Variants in LYPD6B observed in about 807,000 individuals in gnomAD.
LYPD6B encodes the protein LY6/PLAUR domain containing 6B.
Under a neutral mutation model 22.8 loss-of-function variants are expected in LYPD6B, and 17 were observed. That is an observed-to-expected ratio of 0.75 (90% CI 0.51 to 1.12). The LOEUF is 1.12. Among genes scored for constraint, LYPD6B ranks in the 50% most tolerant of loss-of-function variants. LYPD6B has a pLI of 0.00. For missense variants in LYPD6B, 221 were observed against 258.3 expected, an observed-to-expected ratio of 0.86 and a Z score of 0.99; for synonymous variants, 106 against 91.6, an observed-to-expected ratio of 1.16 and a Z score of -0.90.
In LYPD6B at chr2:149,046,753, C is replaced by A. The variant is rs369692761; in HGVS notation, c.-67+7952C>A. Among the ~76,000 whole-genome samples, 33 of 152,020 alleles carry A rather than the reference C, an allele frequency of 2.2e-4. No individual in the cohort carries two copies. In the East Asian group the frequency reaches 5.6e-3, roughly 26 times the overall value. On this transcript the variant is annotated intron_variant, in intron 1 of 6. Coordinates refer to ENST00000409642, the MANE Select transcript of LYPD6B (RefSeq NM_177964.5). ...ACTTTCAAGTAGTATTATACTGTTT[C>A]ATTTGTAGTCTTATAGCAGTATATT...
intron 2 of LYPD6B, among the ~76,000 whole-genome samples, chr2:149,156,123 T>C (rs229318): frequency 0.79 from 120,283 of 152,084 alleles, 47,831 homozygotes; most frequent in Non-Finnish European, 0.83. Flanking sequence ...CCAAAGATGC[T>C]GTTTGCAGTG....
intron 1 of LYPD6B, among the ~76,000 whole-genome samples, chr2:149,078,832 C>A (rs189896435): frequency 6.6e-5 from 10 of 152,048 alleles, no homozygotes; most frequent in Non-Finnish European, 1.3e-4. Context: ...CATAGCAAGA[C>A]CCCCATCTCT....
intron 2 of LYPD6B, among the ~76,000 whole-genome samples, chr2:149,146,677 G>A (rs573489174): frequency 2.0e-5 from 3 of 151,804 alleles, no homozygotes; most frequent in South Asian, 2.1e-4. Context: ...AGTCTTGGCC[G>A]AACTATGGCT....
chr2:149,044,366 A>G (rs1323320779), intron 1 of LYPD6B, among the ~76,000 whole-genome samples: 1 of 151,964 alleles, frequency 6.6e-6, no homozygotes, highest in Non-Finnish European at 1.5e-5. Flanking sequence ...ATACTTAGGT[A>G]TTTCATTTTG....
chr2:149,175,544 T>G (rs777455364), intron 3 of LYPD6B, among the ~76,000 whole-genome samples: 21 of 152,062 alleles, frequency 1.4e-4, no homozygotes, highest in South Asian at 6.2e-4. Context: ...TTTCTTTTTT[T>G]ATTAACTAAT....
At chr2:149,082,628 A>G (rs1398976210) in intron 1 of LYPD6B, among the ~76,000 whole-genome samples, 2 of 152,164 alleles carry the variant, frequency 1.3e-5, no homozygotes, top group African/African-American at 2.4e-5. Context: ...TAGTGATACT[A>G]TGGTAAAGAT....
intron 1 of LYPD6B, among the ~76,000 whole-genome samples, chr2:149,125,259 G>A (rs557532571): frequency 6.6e-6 from 1 of 152,172 alleles, no homozygotes; most frequent in Non-Finnish European, 1.5e-5. Context: ...GCCTGGCCCC[G>A]ACAAAGCCCT....
Position 149,161,179 on chromosome 2 carries a change from C to T in LYPD6B, c.77+344C>T, listed in dbSNP as rs182018062. Among the ~76,000 whole-genome samples, 159 of 152,132 alleles carry T rather than the reference C, an allele frequency of 1.0e-3. 2 individuals carry two copies. The East Asian group carries it at 0.027, about 26-fold the overall frequency. On this transcript the variant is annotated intron_variant, in intron 3 of 6. Coordinates refer to ENST00000409642, the MANE Select transcript of LYPD6B (RefSeq NM_177964.5). ...TTCTCAGTGACAGATGGGGGTGCGT[C>T]GGGGGTGTGGAGCAATGTTCAAAAG...
intron 3 of LYPD6B, among the ~76,000 whole-genome samples, chr2:149,180,380 G>A (rs192402033): frequency 5.9e-5 from 9 of 152,302 alleles, no homozygotes; most frequent in Admixed American, 2.6e-4. Context: ...TGGTAACTGC[G>A]AGAATTCCAA....
At chr2:149,174,630 A>G (rs1403135690) in intron 3 of LYPD6B, among the ~76,000 whole-genome samples, 3 of 152,142 alleles carry the variant, frequency 2.0e-5, no homozygotes, top group Non-Finnish European at 4.4e-5. Flanking sequence ...TTCTGCATCT[A>G]TTGAGATAAC....
intron 1 of LYPD6B, among the ~76,000 whole-genome samples, chr2:149,059,533 A>G (rs1683973667): frequency 1.3e-5 from 2 of 152,256 alleles, no homozygotes; most frequent in South Asian, 4.1e-4. Context: ...AATTAACGTT[A>G]TTAGAAATGA....
intron 3 of LYPD6B, among the ~76,000 whole-genome samples, chr2:149,167,885 GT>G (rs1033133163): frequency 6.6e-6 from 1 of 151,922 alleles, no homozygotes; most frequent in Non-Finnish European, 1.5e-5. Context: ...AAACATAGAG[GT>G]TTTTTTATGT....
chr2:149,168,571 T>C (rs934794206), intron 3 of LYPD6B, among the ~76,000 whole-genome samples: 1 of 152,176 alleles, frequency 6.6e-6, no homozygotes, highest in Non-Finnish European at 1.5e-5. Context: ...GTCATTTCCA[T>C]ATTTAAGCTG....
At chr2:149,178,153 A>G (rs897814769) in intron 3 of LYPD6B, among the ~76,000 whole-genome samples, 12 of 152,150 alleles carry the variant, frequency 7.9e-5, no homozygotes, top group Admixed American at 7.9e-4. Context: ...ACTAAGTCTT[A>G]AGACTAACTC....
chr2:149,188,353 C>G (rs1450818883), intron 3 of LYPD6B, among the ~76,000 whole-genome samples: 1 of 152,140 alleles, frequency 6.6e-6, no homozygotes, highest in Non-Finnish European at 1.5e-5. Context: ...CTTCTAAACT[C>G]TCTTGTCAAG....
intron 1 of LYPD6B, among the ~76,000 whole-genome samples, chr2:149,055,604 G>A (rs533992725): frequency 1.4e-4 from 21 of 152,196 alleles, no homozygotes; most frequent in Admixed American, 4.6e-4. Flanking sequence ...CACTTCTCTC[G>A]TTAAATTGAT....
chr2:149,067,606 G>A (rs912650277), intron 1 of LYPD6B, among the ~76,000 whole-genome samples: 2 of 150,302 alleles, frequency 1.3e-5, no homozygotes, highest in African/African-American at 2.4e-5. Flanking sequence ...ATCCTCATAG[G>A]GCTATAAAGT....
intron 2 of LYPD6B, among the ~76,000 whole-genome samples, chr2:149,134,003 G>C (rs1276067638): frequency 1.3e-5 from 2 of 152,056 alleles, no homozygotes; most frequent in African/African-American, 4.8e-5. Flanking sequence ...AATAAATGAA[G>C]GAAGGAAGGT....
At chr2:149,161,601 G>A (rs1344755845) in intron 3 of LYPD6B, 1 of 152,148 alleles carries the variant, frequency 6.6e-6, no homozygotes, top group Non-Finnish European at 1.5e-5. Flanking sequence ...ACTGGGCCTG[G>A]TTGTCTCATG....
Sources: allele counts gnomAD v4.1 joint callset (sites outside exome capture counted in the v4.1 genomes callset), GRCh38; gene constraint gnomAD v4.1.1; transcripts MANE v1.5; gene names NCBI Gene and HGNC (gene_info 2026-07-23, HGNC 2026-07-21).